Variants in STPG2 observed in about 807,000 individuals in gnomAD.
The protein encoded by STPG2 is sperm tail PG-rich repeat containing 2.
A neutral mutation model predicts 54.2 loss-of-function variants in STPG2; 56 were observed. That is an observed-to-expected ratio of 1.03 (90% CI 0.83 to 1.29). The LOEUF is 1.29. Ranked by LOEUF, STPG2 falls within the 50% of genes most tolerant of loss-of-function variation. The pLI, the probability that STPG2 is intolerant of heterozygous loss-of-function variation, is 0.00. For missense variants in STPG2, 596 were observed against 544.9 expected, an observed-to-expected ratio of 1.09 and a Z score of -0.93; for synonymous variants, 200 against 181.8, an observed-to-expected ratio of 1.10 and a Z score of -0.81.
At chr4:97,914,687 A>AT in intron 8 of STPG2, among the ~76,000 whole-genome samples, 1 of 152,252 alleles carries the variant, frequency 6.6e-6, no homozygotes, top group Non-Finnish European at 1.5e-5. Context: ...TGGACTTCAG[A>AT]TTTTTTTGGA....
At position 97,551,256 on chromosome 4, in the gene STPG2, T is replaced by G. The variant is rs1372469999; in HGVS notation, c.462+161443A>C. On this transcript the variant is annotated intron_variant, in intron 4 of 4. Transcript: ENST00000522676. The stretch of plus-strand genomic sequence containing the variant: ...ACCTGACCCAGGAAGCCCAGCTGGC[T>G]TCACCTCTCATAAAGACTACAGAGA... Among the ~76,000 whole-genome samples, 6 of 152,120 alleles carry G rather than the reference T, an allele frequency of 3.9e-5. No homozygotes were observed. In the South Asian group the frequency reaches 1.2e-3, roughly 31 times the overall value.
At chr4:97,719,171 C>A (rs927821756) in intron 9 of STPG2, among the ~76,000 whole-genome samples, 7 of 151,932 alleles carry the variant, frequency 4.6e-5, no homozygotes, top group Non-Finnish European at 1.0e-4. Context: ...GAATTTTTTA[C>A]ATTAATAATG....
intron 10 of STPG2, among the ~76,000 whole-genome samples, chr4:97,566,285 T>C (rs1732438575): frequency 6.6e-6 from 1 of 152,294 alleles, no homozygotes; most frequent in Admixed American, 6.5e-5. Flanking sequence ...TTAAGCCCGT[T>C]GGAAAAGCAC....
chr4:97,950,141 T>G (rs1733411949), intron 7 of STPG2, among the ~76,000 whole-genome samples: 1 of 152,034 alleles, frequency 6.6e-6, no homozygotes, highest in Non-Finnish European at 1.5e-5. Context: ...ATCCTGAAAT[T>G]TTTTTAATTT....
intron 10 of STPG2, among the ~76,000 whole-genome samples, chr4:97,592,183 C>T (rs116182298): frequency 0.062 from 9,403 of 151,978 alleles, 375 homozygotes; most frequent in South Asian, 0.1. Flanking sequence ...TTTTTAATTA[C>T]CATACTGGGA....
intron 4 of STPG2, among the ~76,000 whole-genome samples, chr4:97,460,702 C>CA (rs1360376650): frequency 6.6e-6 from 1 of 152,162 alleles, no homozygotes; most frequent in Non-Finnish European, 1.5e-5. Flanking sequence ...AGCACCCAAT[C>CA]AAAAACAAAG....
chr4:97,988,138 G>C (rs1193486710), intron 5 of STPG2, among the ~76,000 whole-genome samples: 2 of 151,290 alleles, frequency 1.3e-5, no homozygotes, highest in Non-Finnish European at 2.9e-5. Context: ...TCCTCAAACA[G>C]ATCAGGCATA....
intron 9 of STPG2, among the ~76,000 whole-genome samples, chr4:97,784,949 C>T (rs1476600108): frequency 6.6e-6 from 1 of 151,872 alleles, no homozygotes; most frequent in Non-Finnish European, 1.5e-5. Context: ...CTTCAAAGAA[C>T]CACCAACTAT....
chr4:97,895,757 A>C (rs1376093755), intron 8 of STPG2, among the ~76,000 whole-genome samples: 2 of 151,818 alleles, frequency 1.3e-5, no homozygotes, highest in Admixed American at 6.6e-5. Context: ...ATAATACAGT[A>C]AGTTACGGGC....
At position 98,128,567 on chromosome 4, in the gene STPG2, G is replaced by A. The variant is rs762133113; in HGVS notation, c.248C>T (p.Thr83Ile). The A allele has an allele frequency of 1.2e-6, 2 of 1,607,588 alleles. No individual in the cohort carries two copies. The highest frequency in any genetic ancestry group is 1.1e-5 in the South Asian group (1 of 89,150). Residue 83 changes from threonine to isoleucine, a missense_variant, in exon 3 of 11, where the codon ACC becomes ATC. Physicochemically the swap from Thr to Ile is moderately conservative, Grantham distance 89. Coordinates refer to ENST00000295268, the MANE Select transcript of STPG2 (RefSeq NM_174952.3). ...AATTGAAGGAACATCAACACTTCTG[G>A]TAAGTGTAGGTGATCTTGAAATTTT... ...AQKISRSPTLTRSVDVPSIPS... is the reference protein window; with the variant it reads ...AQKISRSPTLIRSVDVPSIPS...
chr4:97,827,600 T>A (rs1396853829), intron 9 of STPG2, among the ~76,000 whole-genome samples: 1 of 152,154 alleles, frequency 6.6e-6, no homozygotes, highest in African/African-American at 2.4e-5. Flanking sequence ...TATTTGTTTC[T>A]CTCCACCTGA....
At chr4:97,543,951 A>C (rs555640369) in intron 4 of STPG2, among the ~76,000 whole-genome samples, 3 of 152,230 alleles carry the variant, frequency 2.0e-5, no homozygotes, top group Admixed American at 2.0e-4. Flanking sequence ...ACATTAGTAT[A>C]CTTCAATGAG....
At chr4:97,694,812 CAAAAAAAAAAAAAAAAAAAAAAAA>C (rs70953083) in intron 10 of STPG2, among the ~76,000 whole-genome samples, 4 of 44,032 alleles carry the variant, frequency 9.1e-5, no homozygotes, top group African/African-American at 1.4e-4. Flanking sequence ...GACTCTGTCA[CAAAAAAAAAAAAAAAAAAAAAAAA>C]AAAAAAAAAA....
At chr4:97,910,679 T>G (rs1452853727) in intron 8 of STPG2, among the ~76,000 whole-genome samples, 3 of 152,042 alleles carry the variant, frequency 2.0e-5, no homozygotes, top group African/African-American at 7.2e-5. Context: ...TCAAAAGTAC[T>G]CATCATAACA....
intron 9 of STPG2, among the ~76,000 whole-genome samples, chr4:97,724,959 C>T (rs1373413796): frequency 6.6e-6 from 1 of 151,956 alleles, no homozygotes; most frequent in African/African-American, 2.4e-5. Context: ...TATGAGAATA[C>T]CCTAGAAAAC....
chr4:97,876,436 T>C (rs1042151039), intron 8 of STPG2, among the ~76,000 whole-genome samples: 6 of 152,064 alleles, frequency 3.9e-5, no homozygotes, highest in African/African-American at 1.2e-4. Context: ...CTTAAAAGCA[T>C]ATTTATAGAA....
chr4:97,737,942 T>C (rs1184889825), intron 9 of STPG2, among the ~76,000 whole-genome samples: 1 of 151,942 alleles, frequency 6.6e-6, no homozygotes, highest in African/African-American at 2.4e-5. Flanking sequence ...AAGGAAAAAA[T>C]GTTAAGGGCA....
chr4:98,103,098 C>T (rs1398110761), intron 5 of STPG2, among the ~76,000 whole-genome samples: 1 of 133,718 alleles, frequency 7.5e-6, no homozygotes, highest in African/African-American at 2.9e-5. Flanking sequence ...TCCTGCATTC[C>T]TCTCCATGAG....
chr4:97,621,141 G>T (rs746314178), intron 10 of STPG2, among the ~76,000 whole-genome samples: 1 of 152,040 alleles, frequency 6.6e-6, no homozygotes, highest in African/African-American at 2.4e-5. Context: ...CTAAGGCAAT[G>T]TTAAGAGCAC....
Sources: allele counts gnomAD v4.1 joint callset (sites outside exome capture counted in the v4.1 genomes callset), GRCh38; gene constraint gnomAD v4.1.1; transcripts MANE v1.5; gene names NCBI Gene and HGNC (gene_info 2026-07-23, HGNC 2026-07-21).